The following ACTR3B variants were observed in gnomAD, a reference collection of about 807,000 sequenced individuals.
ACTR3B encodes actin related protein 3B.
Under a neutral mutation model 59.0 loss-of-function variants are expected in ACTR3B, and 8 were observed. That is an observed-to-expected ratio of 0.14 (90% CI 0.08 to 0.24). The LOEUF is 0.24. ACTR3B is among the 10% of genes least tolerant of loss of function. ACTR3B has a pLI of 1.00. For synonymous variants in ACTR3B, 148 were observed against 197.9 expected (o/e 0.75, Z 2.12); for missense variants, 245 against 552.3 (o/e 0.44, Z 5.58).
At chr7:152,763,725 A>C (rs2098098580) in intron 1 of ACTR3B, among the ~76,000 whole-genome samples, 1 of 152,196 alleles carries the variant, frequency 6.6e-6, no homozygotes, top group South Asian at 2.1e-4. Context: ...TGCCTGGCCC[A>C]TTGGTGATTC....
chr7:152,840,024 T>C (rs1341375607), intron 9 of ACTR3B, among the ~76,000 whole-genome samples: 1 of 17,142 alleles, frequency 5.8e-5, no homozygotes, highest in Non-Finnish European at 1.4e-4. Context: ...TTGTCCCTGA[T>C]TGAGAACCCG....
chr7:152,842,666 A>G (rs1174655237), intron 9 of ACTR3B, among the ~76,000 whole-genome samples: 1 of 152,188 alleles, frequency 6.6e-6, no homozygotes, highest in Non-Finnish European at 1.5e-5. Context: ...GCTGTGCCAC[A>G]AGTCAGCCGT....
At chr7:152,768,338 A>C (rs2098115941) in intron 1 of ACTR3B, among the ~76,000 whole-genome samples, 1 of 152,252 alleles carries the variant, frequency 6.6e-6, no homozygotes, top group Non-Finnish European at 1.5e-5. Flanking sequence ...CATTACCTCC[A>C]AAGCAATGTT....
intron 2 of ACTR3B, among the ~76,000 whole-genome samples, chr7:152,794,829 A>G (rs1256036346): frequency 1.3e-5 from 2 of 152,020 alleles, no homozygotes; most frequent in South Asian, 2.1e-4. Context: ...CCGTGTTTCC[A>G]CTTCACTCGT....
At chr7:152,840,425 G>C (rs1453711308) in intron 9 of ACTR3B, among the ~76,000 whole-genome samples, 1 of 152,204 alleles carries the variant, frequency 6.6e-6, no homozygotes, top group Non-Finnish European at 1.5e-5. Context: ...GAGCGGCCTG[G>C]TGATGTCTTC....
chr7:152,781,431 C>T (rs943034841), intron 1 of ACTR3B, among the ~76,000 whole-genome samples: 2 of 152,036 alleles, frequency 1.3e-5, no homozygotes, highest in Admixed American at 1.3e-4. Flanking sequence ...GAGTATTTGC[C>T]ATGTGCCAGG....
At chr7:152,790,875 CCTTCCTT>C (rs1438018159) in intron 2 of ACTR3B, among the ~76,000 whole-genome samples, 1 of 152,150 alleles carries the variant, frequency 6.6e-6, no homozygotes, top group Non-Finnish European at 1.5e-5. Flanking sequence ...TTCTCGATAA[CCTTCCTT>C]AGATTGCCCT....
intron 4 of ACTR3B, among the ~76,000 whole-genome samples, chr7:152,804,592 G>T (rs188308082): frequency 6.6e-6 from 1 of 152,212 alleles, no homozygotes; most frequent in Non-Finnish European, 1.5e-5. Context: ...AGAATGGCAG[G>T]AGTGGGTGGA....
At chr7:152,766,269 C>T (rs1489588733) in intron 1 of ACTR3B, among the ~76,000 whole-genome samples, 2 of 152,224 alleles carry the variant, frequency 1.3e-5, no homozygotes, top group African/African-American at 2.4e-5. Flanking sequence ...ATTCCTCCAG[C>T]ATCAGGCTGT....
chr7:152,852,267 C>A lies in ACTR3B; in HGVS notation c.1077+16C>A. ...GAGGATCAAGGTAGGAGCCAGAGGCCTCCACGCAGTGCCTGGGGCTATTGC... is the reference window on the plus strand; with the variant it reads ...GAGGATCAAGGTAGGAGCCAGAGGCATCCACGCAGTGCCTGGGGCTATTGC... On this transcript the variant is annotated intron_variant, in intron 10 of 11. Coordinates refer to ENST00000256001, the MANE Select transcript of ACTR3B (RefSeq NM_020445.6). 8 of 1,603,614 alleles carry A rather than the reference C, an allele frequency of 5.0e-6. No homozygotes were observed. Among genetic ancestry groups the A allele is most frequent in the Non-Finnish European group, 6.8e-6 (8 of 1,177,562 alleles).
intron 1 of ACTR3B, among the ~76,000 whole-genome samples, chr7:152,773,216 T>A (rs2098128432): frequency 6.7e-6 from 1 of 150,286 alleles, no homozygotes; most frequent in South Asian, 2.1e-4. Flanking sequence ...ATTCACTTTC[T>A]GTACTAAACA....
intron 6 of ACTR3B, among the ~76,000 whole-genome samples, chr7:152,820,087 A>C (rs1440550072): frequency 2.6e-5 from 4 of 152,216 alleles, no homozygotes; most frequent in African/African-American, 7.2e-5. Context: ...GGTTATTGGA[A>C]TAATCTGGAA....
chr7:152,831,208 G>A (rs1796997525), intron 9 of ACTR3B, among the ~76,000 whole-genome samples: 1 of 152,240 alleles, frequency 6.6e-6, no homozygotes, highest in Admixed American at 6.5e-5. Context: ...GACTTGCCCA[G>A]CTCACAAGAA....
intron 9 of ACTR3B, among the ~76,000 whole-genome samples, chr7:152,849,379 G>C (rs562943461): frequency 6.6e-6 from 1 of 152,284 alleles, no homozygotes; most frequent in Admixed American, 6.5e-5. Flanking sequence ...AGCCCTGAAG[G>C]GTGGCCTCAG....
chr7:152,773,831 G>A (rs1298410147), intron 1 of ACTR3B, among the ~76,000 whole-genome samples: 5 of 152,276 alleles, frequency 3.3e-5, no homozygotes, highest in Admixed American at 1.3e-4. Context: ...TGAAGCCAGG[G>A]AGGAGCAAGT....
chr7:152,845,075 T>C lies in ACTR3B; in HGVS notation c.952-7051T>C, dbSNP rs575471115. ...GGCCAAGTGGGGTCCGTTGCTGTCT[T>C]ATCCACCACCTGCAACTGTGAGTGT... On this transcript the variant is annotated intron_variant, in intron 9 of 11. Transcript: ENST00000256001. Among the ~76,000 whole-genome samples, 448 of 149,738 alleles carry C rather than the reference T, an allele frequency of 3.0e-3. 2 individuals are homozygous for C. The highest frequency in any genetic ancestry group is 5.3e-3 in the Non-Finnish European group (356 of 67,468).
chr7:152,809,635 GGGTT>G (rs1293381718), intron 4 of ACTR3B, among the ~76,000 whole-genome samples: 1 of 151,274 alleles, frequency 6.6e-6, no homozygotes, highest in African/African-American at 2.4e-5. Flanking sequence ...TCCGCCTCCC[GGGTT>G]CAAGCAATTC....
At chr7:152,772,605 A>G (rs1276274848) in intron 1 of ACTR3B, among the ~76,000 whole-genome samples, 2 of 150,316 alleles carry the variant, frequency 1.3e-5, no homozygotes, top group Admixed American at 1.3e-4. Context: ...AAAATGCAGC[A>G]TAATAAGACA....
intron 4 of ACTR3B, among the ~76,000 whole-genome samples, chr7:152,810,544 C>T (rs1237997354): frequency 7.2e-5 from 11 of 151,964 alleles, no homozygotes; most frequent in African/African-American, 1.9e-4. Context: ...AGTGATCCTC[C>T]TGCCTCAGCC....
Sources: gnomAD v4.1 joint callset for allele counts (sites outside exome capture counted in the v4.1 genomes callset) on GRCh38, gnomAD v4.1.1 for gene constraint, MANE v1.5 for transcripts, NCBI Gene and HGNC (gene_info 2026-07-23, HGNC 2026-07-21) for gene names.